Variants in ADGRB3 observed in about 807,000 individuals in gnomAD.
ADGRB3 encodes the protein brain-specific angiogenesis inhibitor 3.
In ADGRB3, 37 loss-of-function variants were observed where a neutral mutation model predicts 193.4. The ratio of observed to expected loss-of-function variants is 0.19; its 90% CI spans 0.15 to 0.25. The LOEUF (loss-of-function observed/expected upper bound fraction) is 0.25. Ranked by LOEUF, ADGRB3 falls within the 10% of genes least tolerant of loss-of-function variation. The probability of loss-of-function intolerance (pLI) is 1.00; values close to 1 mark genes in which losing one functional copy is unlikely to be tolerated. For synonymous variants in ADGRB3, 690 were observed against 644.2 expected (o/e 1.07, Z -1.08); for missense variants, 1,637 against 1,852.9 (o/e 0.88, Z 2.14).
intron 3 of ADGRB3, among the ~76,000 whole-genome samples, chr6:68,878,157 T>C (rs776391211): frequency 2.0e-5 from 3 of 152,080 alleles, no homozygotes; most frequent in African/African-American, 7.2e-5. Context: ...AATAAATCTT[T>C]TAGGATAACT....
intron 3 of ADGRB3, among the ~76,000 whole-genome samples, chr6:68,812,242 G>C (rs903372419): frequency 2.6e-5 from 4 of 152,134 alleles, no homozygotes; most frequent in African/African-American, 9.7e-5. Flanking sequence ...GGCTAAGATA[G>C]TTTGAAATTT....
chr6:68,642,680 A>G (rs1228901946), intron 3 of ADGRB3, among the ~76,000 whole-genome samples: 2 of 151,650 alleles, frequency 1.3e-5, no homozygotes, highest in African/African-American at 4.8e-5. Context: ...TTATTTCCCT[A>G]ATTTTTATAT....
intron 17 of ADGRB3, among the ~76,000 whole-genome samples, chr6:69,205,081 G>A (rs1267148944): frequency 6.6e-6 from 1 of 152,074 alleles, no homozygotes; most frequent in Non-Finnish European, 1.5e-5. Flanking sequence ...AAAATGTTTA[G>A]CATATTGCAA....
chr6:69,300,472 TC>T (rs1767926350), intron 20 of ADGRB3, among the ~76,000 whole-genome samples: 2 of 151,374 alleles, frequency 1.3e-5, no homozygotes. Context: ...GCAAGAGCAA[TC>T]AAAAAAGGGA....
intron 8 of ADGRB3, among the ~76,000 whole-genome samples, chr6:68,964,602 A>G (rs1255888484): frequency 6.6e-6 from 1 of 152,222 alleles, no homozygotes; most frequent in African/African-American, 2.4e-5. Context: ...AGTATAACTA[A>G]AAGTTAGTAA....
Position 68,667,891 on chromosome 6 carries a change from A to AAG in ADGRB3, c.757+28459_757+28460insAG, listed in dbSNP as rs1314226541. On this transcript the variant is annotated intron_variant, in intron 3 of 31. Transcript: ENST00000370598. ...ACCACAGGAGAGAGGCCCCACATTT[A>AAG]GAACAATCCCAGCTACACTGAACAA... Among the ~76,000 whole-genome samples, 120 of 152,018 alleles carry AAG rather than the reference A, an allele frequency of 7.9e-4. 1 individual carries two copies. In the East Asian group the frequency reaches 0.022, roughly 28 times the overall value.
intron 16 of ADGRB3, among the ~76,000 whole-genome samples, chr6:69,069,553 CAA>C (rs57616226): frequency 5.0e-4 from 16 of 31,782 alleles, no homozygotes; most frequent in East Asian, 2.4e-3. Flanking sequence ...ACTAAAAATA[CAA>C]AAAAAAAAAA....
At chr6:68,751,734 T>G (rs973851715) in intron 3 of ADGRB3, among the ~76,000 whole-genome samples, 3 of 152,168 alleles carry the variant, frequency 2.0e-5, no homozygotes, top group African/African-American at 7.2e-5. Flanking sequence ...ATTGTCAAAA[T>G]TGGAATCCAT....
Position 69,070,080 on chromosome 6 carries a change from C to T in ADGRB3, c.2437-5915C>T, listed in dbSNP as rs1189688847. ...GAAAAATTCATTCTGTAACATCTGA[C>T]TCAGAGCACTGGAAATGTTCAAATA... On this transcript the variant is annotated intron_variant, in intron 16 of 31. Transcript: ENST00000370598. 3.3e-5 allele frequency among the ~76,000 whole-genome samples: 5 copies of T among 152,312 alleles called. No homozygotes were observed. The East Asian group carries it at 9.6e-4, about 29-fold the overall frequency.
At chr6:68,935,323 A>C (rs890663583) in intron 4 of ADGRB3, among the ~76,000 whole-genome samples, 1 of 152,212 alleles carries the variant, frequency 6.6e-6, no homozygotes, top group African/African-American at 2.4e-5. Context: ...TCCCTAGAGC[A>C]CTAGTTTGTG....
chr6:69,123,084 A>G (rs1212850434), intron 17 of ADGRB3, among the ~76,000 whole-genome samples: 1 of 151,764 alleles, frequency 6.6e-6, no homozygotes, highest in Non-Finnish European at 1.5e-5. Context: ...GTATCACCTA[A>G]TAGTTAGCCA....
chr6:68,767,374 G>A (rs1766529644), intron 3 of ADGRB3, among the ~76,000 whole-genome samples: 2 of 152,142 alleles, frequency 1.3e-5, no homozygotes, highest in Non-Finnish European at 2.9e-5. Flanking sequence ...TGGGATGCAA[G>A]GCTGGTTCAA....
intron 3 of ADGRB3, among the ~76,000 whole-genome samples, chr6:68,702,323 C>T (rs771456834): frequency 6.6e-6 from 1 of 152,006 alleles, no homozygotes; most frequent in Non-Finnish European, 1.5e-5. Flanking sequence ...GGTACTAAAC[C>T]ATTCATGAGA....
intron 3 of ADGRB3, among the ~76,000 whole-genome samples, chr6:68,784,450 A>G (rs927105927): frequency 6.6e-6 from 1 of 152,186 alleles, no homozygotes; most frequent in African/African-American, 2.4e-5. Context: ...AAACTGCTAT[A>G]TAATTCCTAT....
intron 3 of ADGRB3, among the ~76,000 whole-genome samples, chr6:68,904,123 GAGGA>G (rs199796630): frequency 0.13 from 12,978 of 97,636 alleles, 807 homozygotes; most frequent in Non-Finnish European, 0.2. Context: ...GGGAGGGAGG[GAGGA>G]AGGAAGGAAG....
chr6:68,867,340 A>C (rs1340745469), intron 3 of ADGRB3, among the ~76,000 whole-genome samples: 6 of 152,176 alleles, frequency 3.9e-5, no homozygotes, highest in Non-Finnish European at 2.9e-5. Context: ...GGTGGCTTCC[A>C]TGTGGTGTTG....
chr6:69,152,186 C>T (rs1774699482), intron 17 of ADGRB3, among the ~76,000 whole-genome samples: 1 of 152,108 alleles, frequency 6.6e-6, no homozygotes, highest in African/African-American at 2.4e-5. Flanking sequence ...AGCAAGAAGT[C>T]TTATTTCTTT....
chr6:68,713,408 A>T (rs571031491), intron 3 of ADGRB3, among the ~76,000 whole-genome samples: 4 of 151,726 alleles, frequency 2.6e-5, no homozygotes, highest in Non-Finnish European at 5.9e-5. Context: ...CATAGTTTAT[A>T]TGGTCACAAA....
chr6:69,215,206 G>T (rs200573975), intron 17 of ADGRB3, among the ~76,000 whole-genome samples: 1 of 152,126 alleles, frequency 6.6e-6, no homozygotes, highest in African/African-American at 2.4e-5. Flanking sequence ...GATTTTGAAG[G>T]TTTAAAGATT....
Sources: allele counts gnomAD v4.1 joint callset (sites outside exome capture counted in the v4.1 genomes callset), GRCh38; gene constraint gnomAD v4.1.1; transcripts MANE v1.5; gene names NCBI Gene and HGNC (gene_info 2026-07-23, HGNC 2026-07-21).